Variants in ACTN2 observed in about 807,000 individuals in gnomAD.
ACTN2 encodes alpha-actinin-2.
ACTN2 carries 39 observed loss-of-function variants against 113.8 expected under a neutral mutation model. The ratio of observed to expected loss-of-function variants is 0.34; its 90% CI spans 0.27 to 0.45. The LOEUF (loss-of-function observed/expected upper bound fraction) is 0.45, where lower values mean the gene tolerates loss of function less well. Ranked by LOEUF, ACTN2 falls within the 20% of genes least tolerant of loss-of-function variation. ACTN2 has a pLI of 1.00. For synonymous variants in ACTN2, 429 were observed against 444.1 expected, an observed-to-expected ratio of 0.97 and a Z score of 0.43; for missense variants, 992 against 1,177.9, an observed-to-expected ratio of 0.84 and a Z score of 2.31.
At chr1:236,724,897 A>G (rs111254819) in intron 4 of ACTN2, among the ~76,000 whole-genome samples, 28 of 148,194 alleles carry the variant, frequency 1.9e-4, no homozygotes, top group African/African-American at 5.5e-4. Flanking sequence ...AAATTTACCA[A>G]TAAAACCCTT....
Position 236,757,574 on chromosome 1 carries a change from A to G in ACTN2, c.2243A>G (p.Lys748Arg), listed in dbSNP as rs1469006040. The change falls in exon 18 of 21, where the codon AAG (lysine) becomes AGG (arginine). Residue 748 changes from lysine to arginine, a missense_variant. Lys to Arg is a conservative substitution (Grantham distance 26, BLOSUM62 2). Transcript: ENST00000366578. ...VETQILTRDA[K>R]GITQEQMNEF... The stretch of plus-strand genomic sequence containing the variant: ...ACTCAGATCCTGACGAGAGATGCGA[A>G]GGGCATCACCCAGGAGCAGATGAAT... The G allele has an allele frequency of 6.2e-7, 1 of 1,614,212 alleles. No individual in the cohort carries two copies. The highest frequency in any genetic ancestry group is 1.1e-5 in the South Asian group (1 of 91,080).
Position 236,739,459 on chromosome 1 carries a change from T to G in ACTN2, c.1034T>G (p.Phe345Cys). The G allele has an allele frequency of 6.2e-7, 1 of 1,614,012 alleles. No individual in the cohort carries two copies. The highest frequency in any genetic ancestry group is 1.1e-5 in the South Asian group (1 of 91,056). ...GAGAAATGCCAGCTGGAGATCAACT[T>G]CAACACGCTGCAGACCAAGCTGCGG... ...VQEKCQLEINFNTLQTKLRIS... is the reference protein window; with the variant it reads ...VQEKCQLEINCNTLQTKLRIS... Residue 345 changes from phenylalanine (F) to cysteine (C), a missense_variant, in exon 10 of 21, where the codon TTC becomes TGC. By Grantham distance (205) the Phe-to-Cys change is radical. Around this residue, in one of 3 missense-constraint regions of ACTN2, gnomAD observed 736 missense variants for 815.4 expected, o/e 0.90. Transcript: ENST00000366578.
intron 12 of ACTN2, among the ~76,000 whole-genome samples, chr1:236,747,306 C>T (rs1303453695): frequency 1.3e-5 from 2 of 152,190 alleles, no homozygotes; most frequent in African/African-American, 2.4e-5. Flanking sequence ...CCCTGAAATA[C>T]CATCCCAGTT....
intron 7 of ACTN2, among the ~76,000 whole-genome samples, chr1:236,735,343 T>G (rs192607950): frequency 2.0e-5 from 3 of 152,238 alleles, no homozygotes; most frequent in African/African-American, 7.2e-5. Context: ...AGACCAGGTT[T>G]CCATGTGAAA....
At chr1:236,730,129 A>T (rs548049259) in intron 6 of ACTN2, among the ~76,000 whole-genome samples, 1 of 152,366 alleles carries the variant, frequency 6.6e-6, no homozygotes, top group East Asian at 1.9e-4. Context: ...TTAGTAATCT[A>T]CCAGAGGCCA....
intron 8 of ACTN2, among the ~76,000 whole-genome samples, chr1:236,736,850 G>A (rs923284358): frequency 2.6e-5 from 4 of 152,130 alleles, no homozygotes; most frequent in East Asian, 1.9e-4. Flanking sequence ...GATGTTTACC[G>A]AGTTTGTGTT....
rs990594729 is a variant in ACTN2, at chr1:236,727,538, C to T, written c.537-140C>T. The stretch of plus-strand genomic sequence containing the variant: ...AAGATGAGTGTTCAAGCTCACCGGG[C>T]GGGGTAAAGAGGAAGCTACATGGGG... On this transcript the variant is annotated intron_variant, in intron 5 of 20. Transcript: ENST00000366578. The T allele has an allele frequency of 1.4e-5, 11 of 792,942 alleles. No homozygotes were observed. In the Admixed American group the frequency reaches 1.6e-4, roughly 11 times the overall value. The allele number at this position is 792,942 out of a possible 1,614,324, so 49.1% of individuals were successfully genotyped here.
chr1:236,686,839 C>G, intron 1 of ACTN2, 40 bp downstream of exon 1: 1 of 1,385,832 alleles, frequency 7.2e-7, no homozygotes, highest in Non-Finnish European at 9.4e-7. Flanking sequence ...GTGGTGGGGC[C>G]GGGTCCCCCG....
chr1:236,699,766 A>T (rs1033198104), intron 1 of ACTN2, among the ~76,000 whole-genome samples: 1 of 152,176 alleles, frequency 6.6e-6, no homozygotes, highest in African/African-American at 2.4e-5. Context: ...AAGTTTTATT[A>T]TGGGAAATTT....
intron 20 of ACTN2, among the ~76,000 whole-genome samples, chr1:236,761,478 G>A (rs1230218056): frequency 4.0e-5 from 6 of 151,676 alleles, no homozygotes; most frequent in Non-Finnish European, 8.8e-5. Context: ...CTACTGGTTC[G>A]ACCCCTGTTT....
intron 12 of ACTN2, 77 bp from the exon 13 acceptor site, chr1:236,747,590 T>C (rs1572139968): frequency 2.3e-6 from 3 of 1,297,088 alleles, no homozygotes; most frequent in East Asian, 2.5e-5. Flanking sequence ...TTCCCTGTTA[T>C]TTTTCTTTTT....
At chr1:236,757,851 G>A (rs1042214739) in intron 18 of ACTN2, among the ~76,000 whole-genome samples, 3 of 152,168 alleles carry the variant, frequency 2.0e-5, no homozygotes, top group African/African-American at 7.2e-5. Flanking sequence ...GTTTCATACA[G>A]ATCACTTAAT....
chr1:236,725,887 T>G, intron 4 of ACTN2, 46 bp from the exon 5 acceptor site: 1 of 1,564,146 alleles, frequency 6.4e-7, no homozygotes, highest in Non-Finnish European at 8.8e-7. Flanking sequence ...CTAAGTGAAC[T>G]AAGCGGCATT....
At chr1:236,704,683 G>A (rs1482722903) in intron 1 of ACTN2, among the ~76,000 whole-genome samples, 1 of 152,164 alleles carries the variant, frequency 6.6e-6, no homozygotes, top group African/African-American at 2.4e-5. Flanking sequence ...AGGTATGGGG[G>A]AAAGGGGTGC....
chr1:236,713,426 C>T (rs1032348653), intron 1 of ACTN2, among the ~76,000 whole-genome samples: 20 of 152,062 alleles, frequency 1.3e-4, no homozygotes, highest in Non-Finnish European at 2.4e-4. Flanking sequence ...AGGGTTTCTC[C>T]GTGTTGGTCA....
exon 21 of ACTN2, chr1:236,764,629 AAAG>A (rs1227609439): frequency 1.3e-5 from 2 of 152,236 alleles, no homozygotes; most frequent in African/African-American, 2.4e-5. Context: ...ATAAAAGAAA[AAAG>A]AATCCCTATT....
rs963886135 is a variant in ACTN2, at chr1:236,734,603, C to T, written c.698-1032C>T. ...TCAATTGTTTTCCTCTTTTTTCCCC[C>T]CTCTCCTCCGAGTAAGGAGACTGTC... On this transcript the variant is annotated intron_variant, in intron 7 of 20. Coordinates refer to ENST00000366578, the MANE Select transcript of ACTN2 (RefSeq NM_001103.4). 9 of 1,003,096 alleles carry T rather than the reference C, an allele frequency of 9.0e-6. No homozygotes were observed. In the Admixed American group the frequency reaches 1.9e-4, roughly 21 times the overall value. The allele number at this position is 1,003,096 out of a possible 1,614,324, so 62.1% of individuals were successfully genotyped here.
At chr1:236,752,639 C>A (rs1352202220) in intron 15 of ACTN2, among the ~76,000 whole-genome samples, 3 of 152,056 alleles carry the variant, frequency 2.0e-5, no homozygotes, top group Non-Finnish European at 4.4e-5. Context: ...GCAACCTCTT[C>A]CTCGTGGGTT....
intron 15 of ACTN2, among the ~76,000 whole-genome samples, chr1:236,752,034 G>A (rs1423204714): frequency 6.6e-6 from 1 of 152,174 alleles, no homozygotes; most frequent in East Asian, 1.9e-4. Flanking sequence ...ATATAGACAT[G>A]TCCCAGATGT....
Sources: gnomAD v4.1 joint callset for allele counts (sites outside exome capture counted in the v4.1 genomes callset) on GRCh38, gnomAD v4.1.1 for gene constraint, gnomAD v4.1.1 regional missense constraint, MANE v1.5 for transcripts, NCBI Gene and HGNC (gene_info 2026-07-23, HGNC 2026-07-21) for gene names.